Variants in NUP62CL observed in about 807,000 individuals in gnomAD.
The protein encoded by NUP62CL is nucleoporin-62 C-terminal-like protein.
A neutral mutation model predicts 15.3 loss-of-function variants in NUP62CL; 13 were observed. The ratio of observed to expected loss-of-function variants is 0.85; its 90% CI spans 0.55 to 1.35. NUP62CL has a LOEUF of 1.35. Ranked by LOEUF, NUP62CL falls within the 40% of genes most tolerant of loss-of-function variation. NUP62CL has a pLI of 0.00. For synonymous variants in NUP62CL, 54 were observed against 49.2 expected, an observed-to-expected ratio of 1.10 and a Z score of -0.41; for missense variants, 123 against 130.6, an observed-to-expected ratio of 0.94 and a Z score of 0.28.
chrX:107,151,967 T>C (rs1302661395), intron 7 of NUP62CL, among the ~76,000 whole-genome samples: 2 of 98,457 alleles, frequency 2.0e-5, no homozygotes, highest in African/African-American at 7.5e-5. Context: ...GAGGCAGAGG[T>C]TGCAGTGAGC....
intron 8 of NUP62CL, among the ~76,000 whole-genome samples, chrX:107,137,202 A>T (rs1925662112): frequency 8.9e-6 from 1 of 112,145 alleles, no homozygotes; most frequent in Non-Finnish European, 1.9e-5. Flanking sequence ...ATGGTAAAAC[A>T]AACAAACAAA....
chrX:107,166,748 A>T (rs1052687826), intron 4 of NUP62CL, among the ~76,000 whole-genome samples: 6 of 111,752 alleles, frequency 5.4e-5, no homozygotes, highest in Non-Finnish European at 9.4e-5. Context: ...AATAAAAAAG[A>T]ACAAACTGTT....
At chrX:107,150,606 T>C (rs190611272) in intron 7 of NUP62CL, among the ~76,000 whole-genome samples, 65 of 112,453 alleles carry the variant, frequency 5.8e-4, no homozygotes, top group Middle Eastern at 4.6e-3. Context: ...CAAGTGATCC[T>C]CTCACCTCAG....
At chrX:107,156,044 T>A (rs1162940269) in intron 4 of NUP62CL, among the ~76,000 whole-genome samples, 1 of 110,612 alleles carries the variant, frequency 9.0e-6, no homozygotes, top group Non-Finnish European at 1.9e-5. Context: ...ATCGGGTCAC[T>A]CCCACCCGAA....
chrX:107,128,644 G>C (rs1925442179), intron 8 of NUP62CL, among the ~76,000 whole-genome samples: 1 of 111,625 alleles, frequency 9.0e-6, no homozygotes, highest in Non-Finnish European at 1.9e-5. Context: ...TTAGAATGAT[G>C]AGCCAAGGCA....
At chrX:107,153,396 AAC>A in intron 6 of NUP62CL, 56 bp downstream of exon 6, 1 of 1,107,538 alleles carries the variant, frequency 9.0e-7, no homozygotes, top group Non-Finnish European at 1.2e-6. Flanking sequence ...GGAAAAAAAA[AAC>A]ACTGAATAAA....
intron 8 of NUP62CL, among the ~76,000 whole-genome samples, chrX:107,142,078 A>T (rs1407562066): frequency 9.1e-6 from 1 of 110,003 alleles, no homozygotes; most frequent in Non-Finnish European, 1.9e-5. Flanking sequence ...ATGTATTTTT[A>T]AAAAATCTTT....
intron 4 of NUP62CL, among the ~76,000 whole-genome samples, chrX:107,163,005 G>T (rs1420551647): frequency 8.9e-6 from 1 of 111,876 alleles, no homozygotes; most frequent in Non-Finnish European, 1.9e-5. Flanking sequence ...TGTGTGGTCC[G>T]GTTCCTAACA....
intron 1 of NUP62CL, among the ~76,000 whole-genome samples, chrX:107,198,013 G>A (rs1407172190): frequency 8.9e-6 from 1 of 112,404 alleles, no homozygotes; most frequent in Non-Finnish European, 1.9e-5. Flanking sequence ...CCTCACTGCT[G>A]GTGAAGAACT....
chrX:107,176,615 G>C (rs955972775), intron 2 of NUP62CL, among the ~76,000 whole-genome samples: 2 of 108,563 alleles, frequency 1.8e-5, no homozygotes, highest in African/African-American at 6.7e-5. Context: ...AGTGGTGATA[G>C]TTGTACACTC....
intron 8 of NUP62CL, among the ~76,000 whole-genome samples, chrX:107,132,593 T>C (rs1300964690): frequency 7.2e-5 from 8 of 111,140 alleles, no homozygotes; most frequent in Non-Finnish European, 1.1e-4. Context: ...GCCCCGTCTC[T>C]ACAAAAAATT....
chrX:107,126,270 G>A (rs1435582484), intron 8 of NUP62CL, among the ~76,000 whole-genome samples: 2 of 111,826 alleles, frequency 1.8e-5, no homozygotes, highest in African/African-American at 6.5e-5. Flanking sequence ...CCATGTTCAT[G>A]GATTAAAAGA....
chrX:107,140,491 CTTCCAATTATATAGCACTCAGTT>C (rs902819950), intron 8 of NUP62CL, among the ~76,000 whole-genome samples: 5 of 111,532 alleles, frequency 4.5e-5, no homozygotes, highest in Non-Finnish European at 7.5e-5. Context: ...AAAAGAACAT[CTTCCAATTATATAGCACTCAGTT>C]TTCAAAATGC....
chrX:107,140,734 C>T (rs1401546512), intron 8 of NUP62CL, among the ~76,000 whole-genome samples: 1 of 112,255 alleles, frequency 8.9e-6, no homozygotes, highest in African/African-American at 3.2e-5. Context: ...GAGCTAATAA[C>T]TGGCATTGCA....
intron 1 of NUP62CL, among the ~76,000 whole-genome samples, chrX:107,199,275 G>A (rs991201714): frequency 8.9e-6 from 1 of 112,123 alleles, no homozygotes; most frequent in Admixed American, 9.5e-5. Context: ...CAAGCAACTA[G>A]TAAGTGAAGG....
At chrX:107,137,819 A>T (rs931306142) in intron 8 of NUP62CL, among the ~76,000 whole-genome samples, 3 of 111,892 alleles carry the variant, frequency 2.7e-5, no homozygotes, top group Non-Finnish European at 5.7e-5. Flanking sequence ...TCTATAGGTT[A>T]AATGCAATTC....
At chrX:107,174,027 T>C (rs1926710274) in intron 3 of NUP62CL, among the ~76,000 whole-genome samples, 1 of 105,467 alleles carries the variant, frequency 9.5e-6, no homozygotes, top group South Asian at 4.5e-4. Context: ...CTTTTCTTTT[T>C]TTTCTTTCTT....
At chrX:107,129,192 G>T (rs926723960) in intron 8 of NUP62CL, among the ~76,000 whole-genome samples, 1 of 112,140 alleles carries the variant, frequency 8.9e-6, no homozygotes, top group South Asian at 3.8e-4. Flanking sequence ...AGCTGGATTT[G>T]TATGAGAGAA....
chrX:107,146,508 C>A (rs894628599), intron 8 of NUP62CL, among the ~76,000 whole-genome samples: 1 of 111,824 alleles, frequency 8.9e-6, no homozygotes, highest in African/African-American at 3.2e-5. Flanking sequence ...ACGAATGAGG[C>A]AGGTGTTCAA....
Sources: allele counts gnomAD v4.1 joint callset (sites outside exome capture counted in the v4.1 genomes callset), GRCh38; gene constraint gnomAD v4.1.1; transcripts MANE v1.5; gene names NCBI Gene and HGNC (gene_info 2026-07-23, HGNC 2026-07-21).